Variants in CAMK1D observed in about 807,000 individuals in gnomAD.
The protein encoded by CAMK1D is calcium/calmodulin dependent protein kinase ID, also known as calcium/calmodulin-dependent protein kinase type 1D.
CAMK1D carries 9 observed loss-of-function variants against 47.7 expected under a neutral mutation model. The ratio of observed to expected loss-of-function variants is 0.19; its 90% CI spans 0.11 to 0.33. The LOEUF (loss-of-function observed/expected upper bound fraction) is 0.33, where lower values mean the gene tolerates loss of function less well. CAMK1D is among the 10% of genes least tolerant of loss of function. The probability of loss-of-function intolerance (pLI) is 1.00; values close to 1 mark genes in which losing one functional copy is unlikely to be tolerated. For synonymous variants in CAMK1D, 184 were observed against 184.9 expected (o/e 0.99, Z 0.04); for missense variants, 291 against 488.7 (o/e 0.60, Z 3.81).
At chr10:12,738,795 GCA>G (rs914608035) in intron 3 of CAMK1D, among the ~76,000 whole-genome samples, 8 of 152,018 alleles carry the variant, frequency 5.3e-5, no homozygotes. Flanking sequence ...TCACACCACT[GCA>G]CTCCAGCCTG....
At chr10:12,626,811 A>G (rs1015956150) in intron 2 of CAMK1D, among the ~76,000 whole-genome samples, 8 of 152,054 alleles carry the variant, frequency 5.3e-5, no homozygotes, top group Admixed American at 4.6e-4. Flanking sequence ...TTCTACTACT[A>G]TTTCTTGATT....
At chr10:12,783,021 C>T (rs556643651) in intron 5 of CAMK1D, among the ~76,000 whole-genome samples, 1 of 141,830 alleles carries the variant, frequency 7.1e-6, no homozygotes, top group African/African-American at 2.7e-5. Context: ...GAGACAGAGT[C>T]TTGCTCTGTT....
chr10:12,371,635 C>T (rs1179607770), intron 1 of CAMK1D, among the ~76,000 whole-genome samples: 4 of 151,170 alleles, frequency 2.6e-5, no homozygotes, highest in Non-Finnish European at 4.4e-5. Flanking sequence ...CAGTGGCTCA[C>T]GCCTGTAATC....
rs182861412 is a variant in CAMK1D, at chr10:12,649,354, G to T, written c.225-17382G>T. 3.3e-5 allele frequency among the ~76,000 whole-genome samples: 5 copies of T among 152,360 alleles called. No homozygotes were observed. In the East Asian group the frequency reaches 9.6e-4, roughly 29 times the overall value. On this transcript the variant is annotated intron_variant, in intron 2 of 10. Coordinates refer to ENST00000619168, the MANE Select transcript of CAMK1D (RefSeq NM_153498.4). The stretch of plus-strand genomic sequence containing the variant: ...GATGTGTGTCTGAAAGAAAGGGGAG[G>T]TCGGCTGGCAAATGGCCAGGAGCTG...
chr10:12,694,598 T>C (rs1275561133), intron 3 of CAMK1D, among the ~76,000 whole-genome samples: 1 of 86,324 alleles, frequency 1.2e-5, no homozygotes, highest in African/African-American at 4.5e-5. Flanking sequence ...TATAAATATA[T>C]AATATATAAA....
intron 1 of CAMK1D, among the ~76,000 whole-genome samples, chr10:12,438,452 TTTC>T (rs1216378094): frequency 3.9e-5 from 6 of 152,246 alleles, no homozygotes; most frequent in African/African-American, 1.4e-4. Context: ...ATTCAGTTTC[TTTC>T]TTAAGAAGAT....
chr10:12,395,098 G>T (rs556963232), intron 1 of CAMK1D, among the ~76,000 whole-genome samples: 3 of 135,380 alleles, frequency 2.2e-5, no homozygotes, highest in African/African-American at 8.5e-5. Context: ...CAGAGACAGG[G>T]TCTCACTCTA....
At chr10:12,643,508 C>T (rs1014217354) in intron 2 of CAMK1D, among the ~76,000 whole-genome samples, 2 of 152,142 alleles carry the variant, frequency 1.3e-5, no homozygotes, top group Non-Finnish European at 2.9e-5. Flanking sequence ...CTATCAGTGG[C>T]GGCCTTAGAT....
chr10:12,677,361 C>A (rs1840845148), intron 3 of CAMK1D, among the ~76,000 whole-genome samples: 1 of 152,020 alleles, frequency 6.6e-6, no homozygotes, highest in Admixed American at 6.6e-5. Context: ...AAAATCTTAT[C>A]TTTGTTCACA....
chr10:12,623,123 T>TCCTTCTTCCCTCCCTTCCTCCCTC (rs772469311), intron 2 of CAMK1D, among the ~76,000 whole-genome samples: 1 of 17,606 alleles, frequency 5.7e-5, no homozygotes, highest in African/African-American at 2.3e-4. Flanking sequence ...CTTCCTTCTT[T>TCCTTCTTCCCTCCCTTCCTCCCTC]CCTTCCTCCC....
chr10:12,496,529 G>T (rs1834544524), intron 1 of CAMK1D, among the ~76,000 whole-genome samples: 2 of 152,126 alleles, frequency 1.3e-5, no homozygotes, highest in African/African-American at 4.8e-5. Context: ...GAGGCTTCAT[G>T]GGCAGTAATG....
At chr10:12,718,933 G>A (rs754208292) in intron 3 of CAMK1D, among the ~76,000 whole-genome samples, 6 of 152,062 alleles carry the variant, frequency 3.9e-5, no homozygotes, top group Non-Finnish European at 8.8e-5. Context: ...CTCATCTAAC[G>A]AACAGTCCCT....
chr10:12,568,693 G>C (rs137864051), intron 2 of CAMK1D, among the ~76,000 whole-genome samples: 1 of 151,796 alleles, frequency 6.6e-6, no homozygotes, highest in East Asian at 2.0e-4. Flanking sequence ...GAACAGATCA[G>C]CAAGCTGCTT....
intron 6 of CAMK1D, among the ~76,000 whole-genome samples, chr10:12,795,098 G>A (rs1309019342): frequency 1.3e-5 from 2 of 152,082 alleles, no homozygotes; most frequent in African/African-American, 4.8e-5. Context: ...CCCATGCACA[G>A]CTATAGTAGG....
intron 8 of CAMK1D, among the ~76,000 whole-genome samples, chr10:12,821,398 G>T (rs534737490): frequency 6.6e-6 from 1 of 152,280 alleles, no homozygotes; most frequent in Non-Finnish European, 1.5e-5. Flanking sequence ...CCATCTTCTG[G>T]GCTCCAGACA....
chr10:12,750,147 G>A (rs1329447442), intron 3 of CAMK1D, among the ~76,000 whole-genome samples: 3 of 152,118 alleles, frequency 2.0e-5, no homozygotes, highest in Admixed American at 6.5e-5. Flanking sequence ...GTCAAAATTC[G>A]CAACTGACAA....
At chr10:12,529,024 G>C (rs540911791) in intron 1 of CAMK1D, among the ~76,000 whole-genome samples, 1 of 151,050 alleles carries the variant, frequency 6.6e-6, no homozygotes, top group African/African-American at 2.5e-5. Flanking sequence ...TCCTGGACTT[G>C]ATAGTGTCTC....
At chr10:12,731,985 T>G (rs930514570) in intron 3 of CAMK1D, among the ~76,000 whole-genome samples, 1 of 152,128 alleles carries the variant, frequency 6.6e-6, no homozygotes, top group Non-Finnish European at 1.5e-5. Context: ...GGCTCACGCA[T>G]GTAATCCCAG....
chr10:12,635,725 A>T (rs1463933215), intron 2 of CAMK1D, among the ~76,000 whole-genome samples: 1 of 152,188 alleles, frequency 6.6e-6, no homozygotes, highest in Admixed American at 6.5e-5. Flanking sequence ...AGGAGTAATG[A>T]TCTGCAGTGC....
Sources: gnomAD v4.1 joint callset for allele counts (sites outside exome capture counted in the v4.1 genomes callset) on GRCh38, gnomAD v4.1.1 for gene constraint, MANE v1.5 for transcripts, NCBI Gene and HGNC (gene_info 2026-07-23, HGNC 2026-07-21) for gene names.